FGF14: variants seen among roughly 807,000 people sequenced by gnomAD.
FGF14 encodes fibroblast growth factor 14.
Under a neutral mutation model 25.5 loss-of-function variants are expected in FGF14, and 5 were observed. The observed-to-expected ratio is 0.20, with a 90% CI of 0.10 to 0.41. The LOEUF (loss-of-function observed/expected upper bound fraction) is 0.41. Among genes scored for constraint, FGF14 ranks in the 10% least tolerant of loss-of-function variants. The pLI, the probability that FGF14 is intolerant of heterozygous loss-of-function variation, is 1.00. For missense variants in FGF14, 222 were observed against 320.1 expected, an observed-to-expected ratio of 0.69 and a Z score of 2.34; for synonymous variants, 138 against 118.3, an observed-to-expected ratio of 1.17 and a Z score of -1.08.
chr13:101,737,100 G>A (rs978601612), intron 3 of FGF14, among the ~76,000 whole-genome samples: 11 of 148,136 alleles, frequency 7.4e-5, no homozygotes, highest in South Asian at 2.2e-4. Flanking sequence ...TGGTGTGGAC[G>A]GCCTACTTGA....
chr13:101,979,434 A>T (rs1183306044), intron 1 of FGF14, among the ~76,000 whole-genome samples: 1 of 152,152 alleles, frequency 6.6e-6, no homozygotes, highest in Non-Finnish European at 1.5e-5. Context: ...ATTTCCCTTA[A>T]CAAACTTCAA....
At chr13:102,069,707 C>T (rs376495855) in intron 1 of FGF14, among the ~76,000 whole-genome samples, 17 of 152,246 alleles carry the variant, frequency 1.1e-4, no homozygotes, top group African/African-American at 2.4e-4. Context: ...GAAGAAACTC[C>T]GAACACATCT....
intron 1 of FGF14, among the ~76,000 whole-genome samples, chr13:102,096,251 G>A (rs2044394449): frequency 1.3e-5 from 2 of 151,954 alleles, no homozygotes; most frequent in South Asian, 4.1e-4. Flanking sequence ...TATAAATGCT[G>A]ATGATGCTGA....
intron 1 of FGF14, among the ~76,000 whole-genome samples, chr13:101,900,271 T>G (rs2031351173): frequency 6.6e-6 from 1 of 152,026 alleles, no homozygotes; most frequent in Admixed American, 6.6e-5. Flanking sequence ...AATTTATACT[T>G]GCACAAAGTT....
intron 3 of FGF14, among the ~76,000 whole-genome samples, chr13:101,855,406 T>C (rs547097860): frequency 1.5e-4 from 23 of 152,000 alleles, no homozygotes; most frequent in Non-Finnish European, 2.5e-4. Context: ...TAATTAGACA[T>C]TGAACAGAAT....
Position 101,979,600 on chromosome 13 carries a change from A to G in FGF14, c.209-104304T>C, listed in dbSNP as rs139274830. ...GCTTGTTTTTCCATTGCACAACCTTATATCTAGAAGCTGGGATAGGATGGT... is the reference window on the plus strand; with the variant it reads ...GCTTGTTTTTCCATTGCACAACCTTGTATCTAGAAGCTGGGATAGGATGGT... On this transcript the variant is annotated intron_variant, in intron 1 of 4. Coordinates refer to the FGF14 transcript ENST00000376131. Among the ~76,000 whole-genome samples the G allele has an allele frequency of 1.1e-3, 160 of 152,260 alleles. 2 individuals are homozygous for G. Among genetic ancestry groups the G allele is most frequent in the African/African-American group, 3.6e-3 (150 of 41,542 alleles).
chr13:102,065,556 A>G (rs1419026140), intron 1 of FGF14, among the ~76,000 whole-genome samples: 1 of 152,120 alleles, frequency 6.6e-6, no homozygotes, highest in Admixed American at 6.5e-5. Context: ...AAAAAATAGG[A>G]TGCACCTCAT....
intron 1 of FGF14, among the ~76,000 whole-genome samples, chr13:101,905,249 A>T (rs1336710926): frequency 6.6e-6 from 1 of 152,210 alleles, no homozygotes; most frequent in Non-Finnish European, 1.5e-5. Context: ...AGACACACGC[A>T]CATGTATGTT....
chr13:102,020,036 C>A (rs1401769882), intron 1 of FGF14, among the ~76,000 whole-genome samples: 1 of 152,010 alleles, frequency 6.6e-6, no homozygotes. Flanking sequence ...AAAACATACA[C>A]AATACACTCA....
chr13:101,951,067 A>G (rs1233192174), intron 1 of FGF14, among the ~76,000 whole-genome samples: 1 of 152,178 alleles, frequency 6.6e-6, no homozygotes, highest in Non-Finnish European at 1.5e-5. Context: ...GAAAATAGCT[A>G]GAGCTACAGC....
At chr13:102,328,620 T>C (rs1288960239) in intron 1 of FGF14, among the ~76,000 whole-genome samples, 3 of 152,220 alleles carry the variant, frequency 2.0e-5, no homozygotes, top group Admixed American at 2.0e-4. Flanking sequence ...GCCTGGTACA[T>C]TGTGGATGCT....
chr13:101,819,902 T>C (rs10508076), intron 3 of FGF14, among the ~76,000 whole-genome samples: 32,658 of 152,106 alleles, frequency 0.21, 3,718 homozygotes, highest in Admixed American at 0.24. Flanking sequence ...GACGGAAAGA[T>C]ATTTCAGAGA....
chr13:102,062,413 G>A (rs985913941), intron 1 of FGF14, among the ~76,000 whole-genome samples: 9 of 152,004 alleles, frequency 5.9e-5, no homozygotes, highest in African/African-American at 2.2e-4. Flanking sequence ...AAATATAGCA[G>A]CAAAAATACG....
At chr13:102,062,150 A>T (rs1295165345) in intron 1 of FGF14, among the ~76,000 whole-genome samples, 2 of 152,258 alleles carry the variant, frequency 1.3e-5, no homozygotes, top group Non-Finnish European at 2.9e-5. Flanking sequence ...ATTAAACCAC[A>T]GAAAGCATAA....
chr13:102,127,513 T>C lies in FGF14; in HGVS notation c.209-252217A>G, dbSNP rs1032698787. Among the ~76,000 whole-genome samples the C allele has an allele frequency of 2.6e-5, 4 of 152,224 alleles. No homozygotes were observed. In the South Asian group the frequency reaches 8.3e-4, roughly 32 times the overall value. On this transcript the variant is annotated intron_variant, in intron 1 of 4. Transcript: ENST00000376131. ...CTCTTCTTATTCTGTAAGAGTTATC[T>C]ATCATAAGGAAGAAAATCAGATGCA...
chr13:101,752,212 TATC>T (rs2037330152), intron 3 of FGF14, among the ~76,000 whole-genome samples: 1 of 152,300 alleles, frequency 6.6e-6, no homozygotes, highest in South Asian at 2.1e-4. Flanking sequence ...AGTAAAGAAA[TATC>T]AACCATTAAA....
At chr13:102,161,652 GA>G (rs1481402192) in intron 1 of FGF14, among the ~76,000 whole-genome samples, 1 of 16,948 alleles carries the variant, frequency 5.9e-5, no homozygotes, top group African/African-American at 2.2e-4. Context: ...AGAAGAAGAA[GA>G]AGAAGAAGAA....
chr13:101,915,453 C>A (rs1208529859), intron 1 of FGF14, among the ~76,000 whole-genome samples: 1 of 152,134 alleles, frequency 6.6e-6, no homozygotes, highest in Non-Finnish European at 1.5e-5. Context: ...TCCTACCAAC[C>A]CCACTTGGTT....
chr13:102,026,513 T>A (rs55882156), intron 1 of FGF14, among the ~76,000 whole-genome samples: 4,865 of 152,022 alleles, frequency 0.032, 105 homozygotes, highest in African/African-American at 0.057. Flanking sequence ...TTAAGTAGAA[T>A]TTTTTTATAA....
Sources: gnomAD v4.1 joint callset for allele counts (sites outside exome capture counted in the v4.1 genomes callset) on GRCh38, gnomAD v4.1.1 for gene constraint, MANE v1.5 for transcripts, NCBI Gene and HGNC (gene_info 2026-07-23, HGNC 2026-07-21) for gene names.